FUNDC1: variants seen among roughly 807,000 people sequenced by gnomAD.
The protein encoded by FUNDC1 is FUN14 domain containing 1, also known as FUN14 domain-containing protein 1.
Under a neutral mutation model 14.5 loss-of-function variants are expected in FUNDC1, and 10 were observed. The observed-to-expected ratio is 0.69, with a 90% CI of 0.43 to 1.17. The LOEUF is 1.17. FUNDC1 is among the 50% of genes most tolerant of loss of function. The pLI is 0.00. For synonymous variants in FUNDC1, 33 were observed against 39.7 expected, an observed-to-expected ratio of 0.83 and a Z score of 0.64; for missense variants, 115 against 113.8, an observed-to-expected ratio of 1.01 and a Z score of -0.05.
At chrX:44,539,308 G>A (rs1396915749) in intron 2 of FUNDC1, among the ~76,000 whole-genome samples, 1 of 111,674 alleles carries the variant, frequency 9.0e-6, no homozygotes, top group Non-Finnish European at 1.9e-5. Flanking sequence ...GTTGAATGGT[G>A]TCCCCCTCAA....
intron 4 of FUNDC1, among the ~76,000 whole-genome samples, chrX:44,524,736 T>C (rs900366899): frequency 6.3e-5 from 7 of 111,332 alleles, no homozygotes; most frequent in Non-Finnish European, 1.3e-4. Context: ...AGGTATCAAA[T>C]AGCATGCAAG....
At chrX:44,541,752 G>A (rs1372280831) in intron 2 of FUNDC1, among the ~76,000 whole-genome samples, 193 bp downstream of exon 2, 6 of 111,021 alleles carry the variant, frequency 5.4e-5, no homozygotes, top group Non-Finnish European at 9.4e-5. Flanking sequence ...TGGTGGGCAT[G>A]GGGGAGGGGA....
intron 3 of FUNDC1, among the ~76,000 whole-genome samples, chrX:44,535,669 CAAAAA>C (rs1224864816): frequency 3.1e-5 from 1 of 32,282 alleles, no homozygotes; most frequent in Non-Finnish European, 5.2e-5. Context: ...GACTCTGTCT[CAAAAA>C]AAAAAAAAAA....
At chrX:44,529,081 T>C (rs1465166442) in intron 3 of FUNDC1, among the ~76,000 whole-genome samples, 1 of 111,435 alleles carries the variant, frequency 9.0e-6, no homozygotes, top group African/African-American at 3.3e-5. Context: ...AGTTACAAAG[T>C]TTTTTTTAAA....
At chrX:44,533,921 C>T (rs1416623008) in intron 3 of FUNDC1, among the ~76,000 whole-genome samples, 1 of 105,026 alleles carries the variant, frequency 9.5e-6, no homozygotes, top group Non-Finnish European at 2.0e-5. Context: ...AAAAATTAGC[C>T]AGGCATGGTG....
intron 3 of FUNDC1, among the ~76,000 whole-genome samples, chrX:44,537,485 AT>A (rs750838858): frequency 1.2e-3 from 132 of 111,402 alleles, no homozygotes; most frequent in African/African-American, 4.3e-3. Context: ...GGTATTAATC[AT>A]TTTTTTTACC....
intron 4 of FUNDC1, 47 bp downstream of exon 4, chrX:44,527,189 CA>C (rs770512738): frequency 1.9e-6 from 2 of 1,036,077 alleles, no homozygotes; most frequent in Middle Eastern, 3.9e-4. Flanking sequence ...ACCCATTAAC[CA>C]AAAAAAGGAA....
chrX:44,526,226 C>T (rs1377785848), intron 4 of FUNDC1, among the ~76,000 whole-genome samples: 2 of 110,821 alleles, frequency 1.8e-5, no homozygotes, highest in Non-Finnish European at 3.8e-5. Context: ...GTCAGGAGTT[C>T]GAGACCAGCC....
chrX:44,537,579 T>A (rs186037749), intron 3 of FUNDC1, among the ~76,000 whole-genome samples: 1 of 112,172 alleles, frequency 8.9e-6, no homozygotes, highest in African/African-American at 3.2e-5. Context: ...GGCTGTTTAG[T>A]GAACAACTCA....
At chrX:44,525,471 G>A (rs1490454961) in intron 4 of FUNDC1, among the ~76,000 whole-genome samples, 1 of 108,869 alleles carries the variant, frequency 9.2e-6, no homozygotes, top group African/African-American at 3.3e-5. Flanking sequence ...TTACAGGAGT[G>A]AACTACTGTA....
intron 3 of FUNDC1, among the ~76,000 whole-genome samples, chrX:44,535,246 T>C (rs1212005949): frequency 6.3e-5 from 7 of 111,249 alleles, no homozygotes; most frequent in Admixed American, 1.9e-4. Flanking sequence ...GTGAGAGCCG[T>C]ATACCAGGCC....
At chrX:44,535,316 G>T (rs2038942824) in intron 3 of FUNDC1, among the ~76,000 whole-genome samples, 1 of 110,442 alleles carries the variant, frequency 9.1e-6, no homozygotes, top group African/African-American at 3.3e-5. Flanking sequence ...TTAAACTGAT[G>T]AACTATTTGA....
intron 4 of FUNDC1, among the ~76,000 whole-genome samples, chrX:44,525,021 G>A (rs1421891438): frequency 2.7e-5 from 3 of 111,008 alleles, no homozygotes; most frequent in African/African-American, 9.8e-5. Context: ...AAATTACTTT[G>A]GTAAAATGTT....
chrX:44,531,837 A>T (rs1380235856), intron 3 of FUNDC1, among the ~76,000 whole-genome samples: 1 of 110,029 alleles, frequency 9.1e-6, no homozygotes, highest in Non-Finnish European at 1.9e-5. Context: ...CAGAGAGCTT[A>T]AAAAAGACAA....
chrX:44,538,140 A>G (rs1197067183), intron 3 of FUNDC1, among the ~76,000 whole-genome samples: 1 of 111,368 alleles, frequency 9.0e-6, no homozygotes, highest in East Asian at 2.8e-4. Flanking sequence ...GTGCACCACC[A>G]TGGCAGCTAA....
intron 1 of FUNDC1, among the ~76,000 whole-genome samples, chrX:44,542,517 G>T (rs977451985): frequency 9.7e-6 from 1 of 102,969 alleles, no homozygotes; most frequent in African/African-American, 4.1e-5. Flanking sequence ...GAGTCCAGAC[G>T]TTTAAAAAAA....
intron 3 of FUNDC1, among the ~76,000 whole-genome samples, chrX:44,532,561 T>A (rs12011886): frequency 0.1 from 10,729 of 106,650 alleles, 817 homozygotes; most frequent in African/African-American, 0.25. Context: ...ATATATATTT[T>A]TTTTTTTTGA....
intron 4 of FUNDC1, among the ~76,000 whole-genome samples, chrX:44,526,607 G>C (rs2038903466): frequency 1.8e-5 from 2 of 110,387 alleles, no homozygotes; most frequent in Admixed American, 9.7e-5. Context: ...AAAATTATCT[G>C]TGTGTGTCAC....
At chrX:44,542,125 A>G (rs749149809) in intron 1 of FUNDC1, 24 bp from the exon 2 acceptor site, 1 of 1,124,245 alleles carries the variant, frequency 8.9e-7, no homozygotes, top group Non-Finnish European at 1.2e-6. Context: ...AAATGCAAAA[A>G]ATAAATGTAG....
Sources: allele counts gnomAD v4.1 joint callset (sites outside exome capture counted in the v4.1 genomes callset), GRCh38; gene constraint gnomAD v4.1.1; transcripts MANE v1.5; gene names NCBI Gene and HGNC (gene_info 2026-07-23, HGNC 2026-07-21).